WFDC11: variants seen among roughly 807,000 people sequenced by gnomAD.
WFDC11 encodes the protein WAP four-disulfide core domain 11.
In WFDC11, 9 loss-of-function variants were observed where a neutral mutation model predicts 9.9. The observed-to-expected ratio is 0.91, with a 90% confidence interval of 0.55 to 1.58. The LOEUF is 1.58. WFDC11 is among the 40% of genes most tolerant of loss of function. The pLI is 0.00. For missense variants in WFDC11, 106 were observed against 101.7 expected (o/e 1.04, Z -0.18); for synonymous variants, 32 against 33.3 (o/e 0.96, Z 0.13).
At chr20:45,661,901 G>A (rs1213597856) in intron 2 of WFDC11, among the ~76,000 whole-genome samples, 6 of 152,180 alleles carry the variant, frequency 3.9e-5, no homozygotes, top group Admixed American at 3.9e-4. Context: ...GGTGATGCGG[G>A]CTCTTTTTTG....
intron 2 of WFDC11, among the ~76,000 whole-genome samples, chr20:45,653,232 G>A (rs1022817949): frequency 6.6e-5 from 10 of 152,144 alleles, no homozygotes; most frequent in African/African-American, 1.9e-4. Flanking sequence ...TGGATCTCTC[G>A]GCAGAAACTC....
chr20:45,650,573 G>A lies in WFDC11; in HGVS notation c.28C>T (p.Pro10Ser). 1 of 1,614,108 alleles carries A rather than the reference G, an allele frequency of 6.2e-7. No individual in the cohort carries two copies. Among genetic ancestry groups the A allele is most frequent in the Non-Finnish European group, 8.5e-7 (1 of 1,180,002 alleles). Residue 10 changes from proline to serine, a missense_variant, in exon 3 of 5, where the codon CCC (proline) becomes TCC (serine). Pro to Ser is a moderately conservative substitution (Grantham distance 74). Transcript: ENST00000324384. MVSLMKLWI[P>S]MLMTFFCTVL... ...GTACAGAAGAATGTCATGAGCATGG[G>A]TATCCAGAGCTTCATGAGGCTGACC...
intron 2 of WFDC11, among the ~76,000 whole-genome samples, chr20:45,651,069 C>T (rs1982794686): frequency 6.6e-6 from 1 of 152,218 alleles, no homozygotes; most frequent in Admixed American, 6.5e-5. Context: ...CCTCCTTCCA[C>T]CCTTCACCCT....
chr20:45,657,190 C>T (rs1414942709), intron 2 of WFDC11, among the ~76,000 whole-genome samples: 1 of 152,074 alleles, frequency 6.6e-6, no homozygotes, highest in Non-Finnish European at 1.5e-5. Context: ...AGCCAAATGT[C>T]CAACAATGGT....
intron 2 of WFDC11, among the ~76,000 whole-genome samples, chr20:45,657,416 C>T (rs1264555981): frequency 2.4e-5 from 3 of 126,720 alleles, no homozygotes; most frequent in Non-Finnish European, 4.6e-5. Flanking sequence ...GGGAACATCA[C>T]ACACCAGGGC....
At chr20:45,650,198 C>T (rs1316807062) in intron 3 of WFDC11, among the ~76,000 whole-genome samples, 1 of 139,212 alleles carries the variant, frequency 7.2e-6, no homozygotes, top group Non-Finnish European at 1.5e-5. Flanking sequence ...ATGTTTATAG[C>T]TTATGGTATA....
rs984927358 is a variant in WFDC11 at position 45,663,136 on chromosome 20, G to C, written c.-52+3952C>G. ...ATATTCAGAGATTCAACTTCTTCCT[G>C]GTTTAGACTTGGGAGGGTGTATGTG... is the stretch of plus-strand genomic sequence containing the variant. On this transcript the variant is annotated intron_variant, in intron 2 of 4. Transcript: ENST00000324384. Among the ~76,000 whole-genome samples the C allele has an allele frequency of 1.4e-4, 22 of 152,042 alleles. 1 individual carries two copies. Among genetic ancestry groups the C allele is most frequent in the Non-Finnish European group, 2.9e-5 (2 of 68,004 alleles).
chr20:45,651,732 C>T (rs556005114), intron 2 of WFDC11, among the ~76,000 whole-genome samples: 79 of 148,982 alleles, frequency 5.3e-4, no homozygotes, highest in African/African-American at 1.7e-3. Context: ...CGGGTCACTC[C>T]GACCCTAATA....
intron 1 of WFDC11, among the ~76,000 whole-genome samples, chr20:45,669,367 TCAAA>T (rs1186255453): frequency 6.6e-6 from 1 of 152,084 alleles, no homozygotes; most frequent in Non-Finnish European, 1.5e-5. Flanking sequence ...ATAAAGTGAG[TCAAA>T]CAAATATTTT....
Position 45,649,392 on chromosome 20 carries a change from T to C in WFDC11, c.108A>G (p.Glu36=), listed in dbSNP as rs917703250. 8 of 1,613,868 alleles carry C rather than the reference T, an allele frequency of 5.0e-6. No homozygotes were observed. The African/African-American group carries it at 1.1e-4, about 22-fold the overall frequency. The stretch of plus-strand genomic sequence containing the variant: ...TTCCCCAGCATTCTTCAAGTAACAA[T>C]TCCTTCCCTGAAATTGAGATGAGAT... ...EMRKKRYDRK[E]LLLEECWGKP... is the part of the protein sequence containing the mutation. Residue 36 remains glutamate, a synonymous_variant, in exon 4 of 5, where the codon GAA becomes GAG. Transcript: ENST00000324384.
intron 2 of WFDC11, among the ~76,000 whole-genome samples, chr20:45,662,743 AC>A (rs1312088635): frequency 9.2e-5 from 14 of 152,314 alleles, no homozygotes; most frequent in African/African-American, 3.4e-4. Flanking sequence ...TGAATGTTGA[AC>A]CAGCCTTGCA....
intron 2 of WFDC11, among the ~76,000 whole-genome samples, chr20:45,662,759 AG>A (rs1251414795): frequency 6.6e-6 from 1 of 152,216 alleles, no homozygotes; most frequent in Non-Finnish European, 1.5e-5. Flanking sequence ...CTTGCATTCC[AG>A]GGATGAAGCC....
intron 2 of WFDC11, among the ~76,000 whole-genome samples, chr20:45,666,506 T>C (rs1339361706): frequency 6.6e-6 from 1 of 152,226 alleles, no homozygotes; most frequent in Non-Finnish European, 1.5e-5. Context: ...TCTTCTGCAT[T>C]GATCACGCTG....
chr20:45,666,372 C>A (rs1349873420), intron 2 of WFDC11, among the ~76,000 whole-genome samples: 1 of 152,248 alleles, frequency 6.6e-6, no homozygotes, highest in African/African-American at 2.4e-5. Context: ...CAACCCCTTG[C>A]CCTTCCCAGG....
intron 2 of WFDC11, among the ~76,000 whole-genome samples, chr20:45,664,797 G>T (rs1568664313): frequency 6.6e-6 from 1 of 152,186 alleles, no homozygotes; most frequent in Non-Finnish European, 1.5e-5. Flanking sequence ...CTGTTAGTCT[G>T]ATGGGCTTCC....
intron 2 of WFDC11, among the ~76,000 whole-genome samples, chr20:45,663,205 C>G (rs545773888): frequency 6.6e-6 from 1 of 152,290 alleles, no homozygotes; most frequent in African/African-American, 2.4e-5. Flanking sequence ...AGTTTATTTG[C>G]ATAGAGGTGT....
chr20:45,649,517 G>A (rs530229877), intron 3 of WFDC11, 118 bp from the exon 4 acceptor site: 1 of 1,295,218 alleles, frequency 7.7e-7, no homozygotes, highest in African/African-American at 1.5e-5. Context: ...TTCCAACCAA[G>A]ATATCTATTT....
intron 2 of WFDC11, among the ~76,000 whole-genome samples, chr20:45,653,710 C>G (rs184081773): frequency 5.3e-5 from 8 of 152,110 alleles, no homozygotes; most frequent in South Asian, 2.1e-4. Flanking sequence ...GACACACATA[C>G]GCTCAAAATA....
chr20:45,654,084 A>G (rs1291867224), intron 2 of WFDC11, among the ~76,000 whole-genome samples: 1 of 152,214 alleles, frequency 6.6e-6, no homozygotes, highest in Non-Finnish European at 1.5e-5. Flanking sequence ...AGAGGACCTA[A>G]TAGACATCTA....
Sources: gnomAD v4.1 joint callset for allele counts (sites outside exome capture counted in the v4.1 genomes callset) on GRCh38, gnomAD v4.1.1 for gene constraint, MANE v1.5 for transcripts, NCBI Gene and HGNC (gene_info 2026-07-23, HGNC 2026-07-21) for gene names.